CARD14: variants seen among roughly 807,000 people sequenced by gnomAD.
CARD14 encodes caspase recruitment domain family member 14.
Under a neutral mutation model 111.5 loss-of-function variants are expected in CARD14, and 107 were observed. The ratio of observed to expected loss-of-function variants is 0.96; its 90% CI spans 0.82 to 1.13. The LOEUF (loss-of-function observed/expected upper bound fraction) is 1.13, where lower values mean the gene tolerates loss of function less well. Among genes scored for constraint, CARD14 ranks in the 50% most tolerant of loss-of-function variants. The pLI is 0.00. For missense variants in CARD14, 1,322 were observed against 1,362.3 expected, an observed-to-expected ratio of 0.97 and a Z score of 0.47; for synonymous variants, 617 against 579.6, an observed-to-expected ratio of 1.06 and a Z score of -0.93.
At chr17:80,194,417 A>G (rs1055037494) in intron 12 of CARD14, among the ~76,000 whole-genome samples, 3 of 152,146 alleles carry the variant, frequency 2.0e-5, no homozygotes, top group South Asian at 2.1e-4. Flanking sequence ...CCTACCCCAC[A>G]CATCTGGTGG....
chr17:80,202,527 G>A (rs543090223), intron 18 of CARD14, 107 bp downstream of exon 18: 1 of 1,504,808 alleles, frequency 6.6e-7, no homozygotes. Context: ...GGGTGGGCGT[G>A]GTGAGACCCC....
At chr17:80,202,134 G>A (rs369971096) in intron 17 of CARD14, 46 bp from the exon 18 acceptor site, 11 of 1,529,884 alleles carry the variant, frequency 7.2e-6, no homozygotes, top group Admixed American at 3.5e-5. Context: ...TCCTCGCAGA[G>A]GCTCGTATCT....
intron 7 of CARD14, chr17:80,187,682 A>C: frequency 2.2e-6 from 2 of 897,394 alleles, no homozygotes; most frequent in South Asian, 5.1e-5. Flanking sequence ...ACCCACCCCG[A>C]CGTGCAGACT....
chr17:80,204,017 C>A, intron 19 of CARD14, 132 bp downstream of exon 19: 1 of 835,974 alleles, frequency 1.2e-6, no homozygotes, highest in Non-Finnish European at 1.9e-6. Context: ...TGTCTCTCCT[C>A]TGCACCCCTT....
In CARD14 at chr17:80,195,244, C is replaced by T. The variant is rs768698549; in HGVS notation, c.1410C>T (p.Ser470=). The stretch of plus-strand genomic sequence containing the variant: ...CGTCCAGCCGCGAGCTGGTGGACAG[C>T]TTCCGCTCCAGCAGCCCCGCGCCCC... The part of the protein sequence containing the change: ...SATSSRELVD[S]FRSSSPAPPS... The change falls in exon 13 of 24, where the codon AGC becomes AGT. Residue 470 remains serine (S), a synonymous_variant. Transcript: ENST00000648509. This position sits in a 1 kb window ranked among gnomAD's most constrained non-coding sequence, Gnocchi z 4.7. 9.3e-6 allele frequency: 15 copies of T among 1,612,214 alleles called. No homozygotes were observed. Among genetic ancestry groups the T allele is most frequent in the Middle Eastern group, 1.7e-4 (1 of 5,956 alleles).
At position 80,189,307 on chromosome 17, in the gene CARD14, A is replaced by G. The variant is rs1183841059; in HGVS notation, c.844-446A>G. Among the ~76,000 whole-genome samples the G allele has an allele frequency of 6.6e-6, 1 of 152,090 alleles. No homozygotes were observed. Among genetic ancestry groups the G allele is most frequent in the Non-Finnish European group, 1.5e-5 (1 of 68,020 alleles). ...TCTCCTCCTCGGCCCCTCTCAGTAGATTGGTATTTATTGAGATATTCCTTC... is the reference window on the plus strand; with the variant it reads ...TCTCCTCCTCGGCCCCTCTCAGTAGGTTGGTATTTATTGAGATATTCCTTC... On this transcript the variant is annotated intron_variant, in intron 8 of 23. Transcript: ENST00000648509. This position sits in a 1 kb window ranked among gnomAD's most constrained non-coding sequence, Gnocchi z 4.7.
At chr17:80,173,816 C>CT (rs1288238696) in intron 2 of CARD14, among the ~76,000 whole-genome samples, 1 of 152,134 alleles carries the variant, frequency 6.6e-6, no homozygotes, top group East Asian at 1.9e-4. Flanking sequence ...CCAGACTGGT[C>CT]TCGAACTCCT....
At position 80,195,411 on chromosome 17, in the gene CARD14, G is replaced by T; in HGVS notation, c.1499+78G>T. 2 of 1,544,740 alleles carry T rather than the reference G, an allele frequency of 1.3e-6. No homozygotes were observed. Among genetic ancestry groups the T allele is most frequent in the South Asian group, 1.2e-5 (1 of 82,534 alleles). On this transcript the variant is annotated intron_variant, in intron 13 of 23. Transcript: ENST00000648509. This position sits in a 1 kb window ranked among gnomAD's most constrained non-coding sequence, Gnocchi z 4.7. The stretch of plus-strand genomic sequence containing the variant: ...GCAACTCACCAGAGACACCAACCTA[G>T]ACCTCAGGGCATCTGGGTATTGCAG...
intron 17 of CARD14, 41 bp from the exon 18 acceptor site, chr17:80,202,139 G>T (rs201468126): frequency 1.3e-6 from 2 of 1,544,454 alleles, no homozygotes; most frequent in Non-Finnish European, 1.8e-6. Flanking sequence ...GCAGAGGCTC[G>T]TATCTGTGGC....
chr17:80,188,341 T>A lies in CARD14; in HGVS notation c.676-36T>A. On this transcript the variant is annotated intron_variant, in intron 7 of 23. Coordinates refer to ENST00000648509, the MANE Select transcript of CARD14 (RefSeq NM_001366385.1). This position sits in a 1 kb window ranked among gnomAD's most constrained non-coding sequence, Gnocchi z 4.5. ...AGCTCCTGATCAGGGGAGAAGCTGT[T>A]TCCATCGCCCTTCCTGTCGCCTCCC... 1.3e-6 allele frequency: 2 copies of A among 1,594,378 alleles called. No homozygotes were observed. The highest frequency in any genetic ancestry group is 4.6e-5 in the East Asian group (2 of 43,084).
At chr17:80,171,481 C>T (rs1027634618) in intron 1 of CARD14, among the ~76,000 whole-genome samples, 1 of 151,826 alleles carries the variant, frequency 6.6e-6, no homozygotes, top group African/African-American at 2.4e-5. Context: ...CTGTGCCCAG[C>T]CCTAAGGTTT....
chr17:80,191,105 C>T (rs998804542), intron 10 of CARD14, among the ~76,000 whole-genome samples: 2 of 152,218 alleles, frequency 1.3e-5, no homozygotes, highest in African/African-American at 4.8e-5. Context: ...TGCTCTTATT[C>T]CTGGTACATG....
intron 2 of CARD14, among the ~76,000 whole-genome samples, chr17:80,177,441 AT>A (rs1391840651): frequency 6.6e-6 from 1 of 152,118 alleles, no homozygotes; most frequent in Non-Finnish European, 1.5e-5. Context: ...CATGCCTGTA[AT>A]CCCAGCACTT....
intron 1 of CARD14, among the ~76,000 whole-genome samples, chr17:80,171,301 T>TTCTC (rs1311227697): frequency 1.3e-5 from 2 of 148,380 alleles, no homozygotes; most frequent in Non-Finnish European, 1.5e-5. Flanking sequence ...CTTTCTTTCT[T>TTCTC]TCTCTCTCTC....
Position 80,172,010 on chromosome 17 carries a change from G to A in CARD14, c.-689-896G>A, listed in dbSNP as rs115440607. The stretch of plus-strand genomic sequence containing the variant: ...ACCAGTCCTGGTCCTCAGGATATCC[G>A]CAGAGACCTGGCTGTCCAGAACTCC... On this transcript the variant is annotated intron_variant, in intron 1 of 23. Transcript: ENST00000648509. 7.9e-3 allele frequency among the ~76,000 whole-genome samples: 1,211 copies of A among 152,330 alleles called. 12 individuals are homozygous for A. Among genetic ancestry groups the A allele is most frequent in the African/African-American group, 0.027 (1,123 of 41,578 alleles).
intron 2 of CARD14, among the ~76,000 whole-genome samples, chr17:80,175,963 T>G (rs1336812356): frequency 1.5e-4 from 5 of 34,098 alleles, no homozygotes; most frequent in Admixed American, 2.4e-4. Flanking sequence ...TTTTTTTTTT[T>G]TTTTTTTTTT....
intron 4 of CARD14, among the ~76,000 whole-genome samples, chr17:80,180,677 A>C (rs774626490): frequency 6.6e-6 from 1 of 152,204 alleles, no homozygotes; most frequent in Non-Finnish European, 1.5e-5. Flanking sequence ...CTTGCTTCTA[A>C]TGAAAATTAC....
intron 21 of CARD14, 127 bp downstream of exon 21, chr17:80,205,332 C>T: frequency 8.7e-7 from 1 of 1,156,068 alleles, no homozygotes; most frequent in Middle Eastern, 2.2e-4. Context: ...CCCACACTCA[C>T]CTGCTGTGTC....
Position 80,181,633 on chromosome 17 carries a change from C to T in CARD14, c.195C>T (p.Asn65=). 1.3e-6 allele frequency: 2 copies of T among 1,549,948 alleles called. No individual in the cohort carries two copies. The highest frequency in any genetic ancestry group is 8.7e-7 in the Non-Finnish European group (1 of 1,147,308). Reference sequence around the variant, plus strand: ...TGCTGCACAGCCCCCGGCTCACCAACAGCGCCATGCGGGCCGGTGAGCGCA... The same window carrying T: ...TGCTGCACAGCCCCCGGCTCACCAATAGCGCCATGCGGGCCGGTGAGCGCA... ...EEVLHSPRLT[N]SAMRAGHLLD... Residue 65 remains asparagine (N), a synonymous_variant, in exon 5 of 24, where the codon AAC becomes AAT. Coordinates refer to ENST00000648509, the MANE Select transcript of CARD14 (RefSeq NM_001366385.1).
Sources: gnomAD v4.1 joint callset for allele counts (sites outside exome capture counted in the v4.1 genomes callset) on GRCh38, gnomAD v4.1.1 for gene constraint, Gnocchi (gnomAD v3.1) non-coding constraint, MANE v1.5 for transcripts, NCBI Gene and HGNC (gene_info 2026-07-23, HGNC 2026-07-21) for gene names.